NCKAP1: variants seen among roughly 807,000 people sequenced by gnomAD.
NCKAP1 encodes the protein nck-associated protein 1.
Under a neutral mutation model 151.2 loss-of-function variants are expected in NCKAP1, and 21 were observed. The ratio of observed to expected loss-of-function variants is 0.14; its 90% confidence interval spans 0.10 to 0.20. The LOEUF is 0.20. Ranked by LOEUF, NCKAP1 falls within the 10% of genes least tolerant of loss-of-function variation. The probability of loss-of-function intolerance (pLI) is 1.00; values close to 1 mark genes in which losing one functional copy is unlikely to be tolerated. For synonymous variants in NCKAP1, 484 were observed against 451.8 expected, an observed-to-expected ratio of 1.07 and a Z score of -0.90; for missense variants, 933 against 1,352.1, an observed-to-expected ratio of 0.69 and a Z score of 4.86.
chr2:182,963,216 A>T (rs1697493673), intron 17 of NCKAP1, among the ~76,000 whole-genome samples: 1 of 152,140 alleles, frequency 6.6e-6, no homozygotes, highest in Non-Finnish European at 1.5e-5. Flanking sequence ...ACAACCTGAT[A>T]TAATTAAATA....
chr2:182,996,618 C>T (rs908129778), intron 6 of NCKAP1, among the ~76,000 whole-genome samples: 1 of 152,180 alleles, frequency 6.6e-6, no homozygotes, highest in African/African-American at 2.4e-5. Context: ...CCACCACGCT[C>T]AGCTAATTTT....
intron 2 of NCKAP1, among the ~76,000 whole-genome samples, chr2:183,011,894 CTATTA>C: frequency 6.6e-6 from 1 of 152,194 alleles, no homozygotes; most frequent in South Asian, 2.1e-4. Flanking sequence ...ATATCTTAAC[CTATTA>C]TATTACCAGG....
intron 13 of NCKAP1, among the ~76,000 whole-genome samples, chr2:182,979,439 T>G (rs1379915179): frequency 1.3e-5 from 2 of 152,106 alleles, no homozygotes; most frequent in Non-Finnish European, 2.9e-5. Context: ...CAATCTAGCT[T>G]AAAAAATGAA....
chr2:182,963,034 T>G (rs759666201), intron 17 of NCKAP1, among the ~76,000 whole-genome samples: 1 of 152,094 alleles, frequency 6.6e-6, no homozygotes, highest in Admixed American at 6.6e-5. Flanking sequence ...TCCATAATCA[T>G]ATATGTAGAG....
Position 182,986,160 on chromosome 2 carries a change from A to T in NCKAP1, c.1004+11T>A. ...GATTAAAGCTACCACGGATAAAATA[A>T]AACTACTCACGCATGTGACACGGCT... On this transcript the variant is annotated intron_variant, in intron 10 of 30. Coordinates refer to ENST00000361354, the MANE Select transcript of NCKAP1 (RefSeq NM_013436.5). 1 of 1,612,494 alleles carries T rather than the reference A, an allele frequency of 6.2e-7. No homozygotes were observed. Among genetic ancestry groups the T allele is most frequent in the Non-Finnish European group, 8.5e-7 (1 of 1,178,734 alleles).
At chr2:182,962,020 G>A (rs1263532873) in intron 18 of NCKAP1, 139 bp downstream of exon 18, 11 of 802,532 alleles carry the variant, frequency 1.4e-5, no homozygotes, top group Non-Finnish European at 1.9e-5. Context: ...ACCTGTTAAT[G>A]GAGTTTCACA....
chr2:182,997,024 T>G (rs528492289), intron 6 of NCKAP1, among the ~76,000 whole-genome samples: 2 of 152,202 alleles, frequency 1.3e-5, no homozygotes, highest in African/African-American at 4.8e-5. Flanking sequence ...GATTTTCTAG[T>G]TTGTGTGTAC....
intron 2 of NCKAP1, among the ~76,000 whole-genome samples, chr2:183,013,139 AGAT>A (rs1698620367): frequency 6.6e-6 from 1 of 152,140 alleles, no homozygotes; most frequent in Admixed American, 6.6e-5. Context: ...CTACTGTCCT[AGAT>A]GATTATTCCA....
chr2:182,987,856 G>A (rs1698087096), intron 9 of NCKAP1, among the ~76,000 whole-genome samples: 1 of 152,050 alleles, frequency 6.6e-6, no homozygotes, highest in African/African-American at 2.4e-5. Context: ...ACAGAAATCA[G>A]AATAGTAGTC....
At position 182,967,276 on chromosome 2, in the gene NCKAP1, G is replaced by A; in HGVS notation, c.1568C>T (p.Thr523Ile). 6.2e-6 allele frequency: 10 copies of A among 1,610,854 alleles called. No homozygotes were observed. The highest frequency in any genetic ancestry group is 8.5e-6 in the Non-Finnish European group (10 of 1,178,366). ...GKMMNTIIFH[T>I]KMVDSLVEML... ...TTCCACCAAGGAATCTACCATTTTT[G>A]TATGAAAAATTATTGTATTCATCAT... Residue 523 changes from threonine (T) to isoleucine (I), a missense_variant, in exon 16 of 31, where the codon ACA becomes ATA. By Grantham distance (89) the Thr-to-Ile change is moderately conservative. This residue lies in a region of NCKAP1 where 607 missense variants were observed against 795.0 expected (regional missense o/e 0.76). Coordinates refer to ENST00000361354, the MANE Select transcript of NCKAP1 (RefSeq NM_013436.5).
At chr2:182,956,325 C>A in intron 20 of NCKAP1, 137 bp downstream of exon 20, 1 of 1,101,650 alleles carries the variant, frequency 9.1e-7, no homozygotes. Flanking sequence ...TAGGCGTGAG[C>A]CACCACGCCC....
At chr2:182,953,474 C>G (rs962281977) in intron 20 of NCKAP1, 143 bp from the exon 21 acceptor site, 4 of 601,170 alleles carry the variant, frequency 6.7e-6, no homozygotes, top group Non-Finnish European at 8.3e-6. Flanking sequence ...TGTAAAATTA[C>G]TGTCATTATC....
chr2:182,993,641 A>G (rs540977584), intron 8 of NCKAP1, among the ~76,000 whole-genome samples: 36 of 152,246 alleles, frequency 2.4e-4, no homozygotes, highest in African/African-American at 8.2e-4. Context: ...ACCAAATACT[A>G]CATGTTCTTA....
intron 6 of NCKAP1, among the ~76,000 whole-genome samples, chr2:183,000,015 AT>A (rs1320737358): frequency 6.6e-6 from 1 of 152,190 alleles, no homozygotes; most frequent in Non-Finnish European, 1.5e-5. Flanking sequence ...AAGGAGAGGG[AT>A]AAGAACTGAA....
chr2:182,990,306 G>A lies in NCKAP1; in HGVS notation c.791-1120C>T, dbSNP rs1222575753. Among the ~76,000 whole-genome samples the A allele has an allele frequency of 2.6e-5, 4 of 151,884 alleles. No homozygotes were observed. The East Asian group carries it at 7.7e-4, about 29-fold the overall frequency. ...TTCCACCTCATTCTCCCCAAGAACT[G>A]GGATTACAGGTATGAGCAACTGCAC... On this transcript the variant is annotated intron_variant, in intron 8 of 30. Transcript: ENST00000361354.
intron 18 of NCKAP1, among the ~76,000 whole-genome samples, chr2:182,958,761 A>G (rs1448132969): frequency 6.6e-6 from 1 of 152,210 alleles, no homozygotes; most frequent in Non-Finnish European, 1.5e-5. Flanking sequence ...AATTGATTTC[A>G]CTTGACAGGT....
intron 1 of NCKAP1, chr2:183,024,916 A>C: frequency 6.3e-7 from 1 of 1,580,668 alleles, no homozygotes; most frequent in Non-Finnish European, 8.7e-7. Context: ...AGAAGTTATG[A>C]AACATGAAAC....
chr2:182,971,561 A>T (rs946892546), intron 15 of NCKAP1, among the ~76,000 whole-genome samples: 3 of 152,090 alleles, frequency 2.0e-5, no homozygotes, highest in Non-Finnish European at 4.4e-5. Flanking sequence ...TTCATATGGA[A>T]CAAACAACAA....
chr2:182,949,122 A>C (rs1697164997), intron 23 of NCKAP1, among the ~76,000 whole-genome samples: 1 of 152,244 alleles, frequency 6.6e-6, no homozygotes, highest in African/African-American at 2.4e-5. Context: ...ACCAATAAAA[A>C]ATTACTACTT....
Sources: gnomAD v4.1 joint callset for allele counts (sites outside exome capture counted in the v4.1 genomes callset) on GRCh38, gnomAD v4.1.1 for gene constraint, gnomAD v4.1.1 regional missense constraint, MANE v1.5 for transcripts, NCBI Gene and HGNC (gene_info 2026-07-23, HGNC 2026-07-21) for gene names.